DNM3: variants seen among roughly 807,000 people sequenced by gnomAD.
DNM3 encodes the protein dynamin 3, also known as dynamin-3.
Under a neutral mutation model 101.6 loss-of-function variants are expected in DNM3, and 47 were observed. That is an observed-to-expected ratio of 0.46 (90% CI 0.37 to 0.59). DNM3 has a LOEUF of 0.59. Among genes scored for constraint, DNM3 ranks in the 20% least tolerant of loss-of-function variants. The pLI is 0.00. For synonymous variants in DNM3, 385 were observed against 387.9 expected (o/e 0.99, Z 0.09); for missense variants, 849 against 1,085.7 (o/e 0.78, Z 3.06).
intron 14 of DNM3, among the ~76,000 whole-genome samples, chr1:172,144,183 G>GA (rs1183268798): frequency 9.1e-5 from 12 of 131,786 alleles, no homozygotes; most frequent in African/African-American, 3.1e-4. Flanking sequence ...TCAATCTTCA[G>GA]AAATAAAAAA....
At chr1:172,376,349 T>C (rs923831246) in intron 17 of DNM3, 2 of 152,094 alleles carry the variant, frequency 1.3e-5, no homozygotes, top group African/African-American at 4.8e-5. Flanking sequence ...AATTACTATT[T>C]TTATTTTACA....
intron 15 of DNM3, among the ~76,000 whole-genome samples, chr1:172,304,799 A>G (rs2064700036): frequency 6.6e-6 from 1 of 152,238 alleles, no homozygotes; most frequent in Non-Finnish European, 1.5e-5. Flanking sequence ...TAATAATGAA[A>G]TGAAGGCAGA....
intron 13 of DNM3, among the ~76,000 whole-genome samples, chr1:172,108,381 C>T (rs979964935): frequency 2.0e-5 from 3 of 151,944 alleles, no homozygotes; most frequent in East Asian, 1.9e-4. Flanking sequence ...GAGTAATTTG[C>T]ATGGTACAGC....
intron 4 of DNM3, among the ~76,000 whole-genome samples, chr1:172,014,614 A>C (rs989843777): frequency 1.3e-5 from 2 of 152,150 alleles, no homozygotes; most frequent in African/African-American, 2.4e-5. Context: ...AAGGCTGTTC[A>C]GGTATTTTTC....
At chr1:172,119,613 T>C (rs779932480) in intron 13 of DNM3, among the ~76,000 whole-genome samples, 2 of 152,122 alleles carry the variant, frequency 1.3e-5, no homozygotes, top group Non-Finnish European at 2.9e-5. Flanking sequence ...TTAAGTCATT[T>C]TTTTCACACC....
At chr1:172,057,538 T>G (rs978788879) in intron 10 of DNM3, among the ~76,000 whole-genome samples, 1 of 152,232 alleles carries the variant, frequency 6.6e-6, no homozygotes, top group Admixed American at 6.5e-5. Context: ...GGGGCCAATA[T>G]TCAACATTCT....
chr1:172,180,039 C>T (rs931792629), intron 14 of DNM3, among the ~76,000 whole-genome samples: 1 of 151,904 alleles, frequency 6.6e-6, no homozygotes, highest in African/African-American at 2.4e-5. Flanking sequence ...GTCAAATTTG[C>T]AGTGTTTTTG....
intron 14 of DNM3, among the ~76,000 whole-genome samples, chr1:172,152,640 A>G (rs893678146): frequency 6.6e-6 from 1 of 152,120 alleles, no homozygotes; most frequent in African/African-American, 2.4e-5. Flanking sequence ...TTGCATTCCC[A>G]TACTATATCA....
intron 1 of DNM3, among the ~76,000 whole-genome samples, chr1:171,871,864 G>GTTTTTTTTT (rs57412557): frequency 7.3e-6 from 1 of 136,448 alleles, no homozygotes; most frequent in African/African-American, 2.7e-5. Flanking sequence ...TTGTTGTCTT[G>GTTTTTTTTT]TTTTTTTTTT....
intron 14 of DNM3, among the ~76,000 whole-genome samples, chr1:172,132,525 G>A (rs1464960401): frequency 1.3e-5 from 2 of 152,252 alleles, no homozygotes; most frequent in Middle Eastern, 3.4e-3. Context: ...TTTTAACATA[G>A]TTTGAGGAGC....
At chr1:172,182,387 G>A (rs376232304) in intron 14 of DNM3, among the ~76,000 whole-genome samples, 3 of 152,152 alleles carry the variant, frequency 2.0e-5, no homozygotes, top group African/African-American at 7.2e-5. Flanking sequence ...GAAATATTTT[G>A]CAGGTTGATG....
intron 10 of DNM3, 80 bp downstream of exon 10, chr1:172,048,830 C>A: frequency 6.6e-7 from 1 of 1,505,568 alleles, no homozygotes; most frequent in Non-Finnish European, 9.1e-7. Context: ...ATTCTCTTTC[C>A]CTGACCCTCA....
intron 20 of DNM3, among the ~76,000 whole-genome samples, chr1:172,391,093 A>T (rs2069501814): frequency 6.6e-6 from 1 of 152,242 alleles, no homozygotes; most frequent in South Asian, 2.1e-4. Flanking sequence ...TGGCCGGCAC[A>T]TGGGCAGCAG....
intron 2 of DNM3, among the ~76,000 whole-genome samples, chr1:171,974,510 G>A (rs1383769899): frequency 6.6e-6 from 1 of 152,148 alleles, no homozygotes; most frequent in Non-Finnish European, 1.5e-5. Context: ...GAGAAAATTA[G>A]TGACTATCAT....
intron 17 of DNM3, among the ~76,000 whole-genome samples, chr1:172,369,161 A>G (rs61806089): frequency 0.15 from 22,973 of 151,792 alleles, 2,113 homozygotes; most frequent in Non-Finnish European, 0.2. Context: ...CCAGAGAAGG[A>G]TGCAAGAAAA....
intron 4 of DNM3, among the ~76,000 whole-genome samples, chr1:172,002,436 C>T (rs1338063386): frequency 1.3e-5 from 2 of 152,042 alleles, no homozygotes; most frequent in African/African-American, 4.8e-5. Flanking sequence ...ATTCATTGTT[C>T]TTTTAAATTG....
intron 4 of DNM3, among the ~76,000 whole-genome samples, chr1:172,014,308 A>T (rs935859870): frequency 6.6e-6 from 1 of 152,164 alleles, no homozygotes; most frequent in African/African-American, 2.4e-5. Context: ...ATTTGGGTAA[A>T]TACAAAGGAG....
intron 16 of DNM3, among the ~76,000 whole-genome samples, chr1:172,311,500 A>G (rs1355649226): frequency 6.6e-6 from 1 of 152,194 alleles, no homozygotes; most frequent in Non-Finnish European, 1.5e-5. Context: ...CCCAGCTACA[A>G]GGGATGCCAG....
intron 1 of DNM3, among the ~76,000 whole-genome samples, chr1:171,891,076 A>C (rs534168262): frequency 6.6e-6 from 1 of 152,294 alleles, no homozygotes; most frequent in Admixed American, 6.5e-5. Flanking sequence ...ATTGTTTTGC[A>C]ACTAAATTGT....
Sources: allele counts gnomAD v4.1 joint callset (sites outside exome capture counted in the v4.1 genomes callset), GRCh38; gene constraint gnomAD v4.1.1; transcripts MANE v1.5; gene names NCBI Gene and HGNC (gene_info 2026-07-23, HGNC 2026-07-21).